Variants in CDC73 observed in about 807,000 individuals in gnomAD.
CDC73 encodes the protein parafibromin.
CDC73 carries 21 observed loss-of-function variants against 83.7 expected under a neutral mutation model. That is an observed-to-expected ratio of 0.25 (90% CI 0.18 to 0.36). The LOEUF (loss-of-function observed/expected upper bound fraction) is 0.36, where lower values mean the gene tolerates loss of function less well. CDC73 is among the 10% of genes least tolerant of loss of function. The probability of loss-of-function intolerance (pLI) is 1.00; values close to 1 mark genes in which losing one functional copy is unlikely to be tolerated. For missense variants in CDC73, 342 were observed against 653.3 expected (o/e 0.52, Z 5.19); for synonymous variants, 224 against 212.9 (o/e 1.05, Z -0.45).
chr1:193,238,361 A>C (rs541418081), intron 15 of CDC73, among the ~76,000 whole-genome samples: 1 of 151,988 alleles, frequency 6.6e-6, no homozygotes, highest in African/African-American at 2.4e-5. Flanking sequence ...GTCTCTACCA[A>C]CTCATTTTCT....
At chr1:193,198,538 G>C (rs575155692) in intron 10 of CDC73, among the ~76,000 whole-genome samples, 6 of 152,336 alleles carry the variant, frequency 3.9e-5, no homozygotes, top group African/African-American at 1.2e-4. Flanking sequence ...GGATTTTCCA[G>C]CCTTCAGAAT....
At chr1:193,147,684 A>G (rs1213133151) in intron 7 of CDC73, among the ~76,000 whole-genome samples, 183 bp from the exon 8 acceptor site, 2 of 152,192 alleles carry the variant, frequency 1.3e-5, no homozygotes, top group South Asian at 2.1e-4. Context: ...GGGATTTACA[A>G]TAATCAGTCT....
intron 13 of CDC73, among the ~76,000 whole-genome samples, chr1:193,219,488 A>C (rs1202465028): frequency 6.6e-6 from 1 of 152,244 alleles, no homozygotes; most frequent in African/African-American, 2.4e-5. Flanking sequence ...ACATGGAATC[A>C]ACCAAAATTT....
intron 7 of CDC73, among the ~76,000 whole-genome samples, chr1:193,145,517 G>T (rs897214241): frequency 6.6e-6 from 1 of 151,760 alleles, no homozygotes; most frequent in African/African-American, 2.4e-5. Flanking sequence ...ACTCTTTCTT[G>T]TCATTACTTT....
At chr1:193,177,358 CAAAAAAAA>C (rs10672869) in intron 10 of CDC73, among the ~76,000 whole-genome samples, 6 of 69,532 alleles carry the variant, frequency 8.6e-5, no homozygotes, top group East Asian at 4.9e-4. Context: ...ACTAAAAATA[CAAAAAAAA>C]AAAAAAAAAA....
intron 3 of CDC73, among the ~76,000 whole-genome samples, chr1:193,131,361 T>C (rs545234098): frequency 6.6e-6 from 1 of 152,372 alleles, no homozygotes; most frequent in African/African-American, 2.4e-5. Context: ...GTTGTTTTTT[T>C]CTCTTTTTAA....
At chr1:193,201,000 C>T (rs1343238045) in intron 10 of CDC73, among the ~76,000 whole-genome samples, 2 of 152,070 alleles carry the variant, frequency 1.3e-5, no homozygotes, top group Non-Finnish European at 2.9e-5. Flanking sequence ...CAAAGAACTT[C>T]CCAGTTTTGT....
At chr1:193,221,212 T>C (rs1451098044) in intron 13 of CDC73, among the ~76,000 whole-genome samples, 1 of 152,190 alleles carries the variant, frequency 6.6e-6, no homozygotes, top group Non-Finnish European at 1.5e-5. Flanking sequence ...GGGGGACTTG[T>C]ATACCTGAAA....
intron 3 of CDC73, among the ~76,000 whole-genome samples, chr1:193,132,153 C>T (rs996921006): frequency 8.5e-5 from 13 of 152,102 alleles, no homozygotes; most frequent in Admixed American, 1.3e-4. Context: ...ACGTGTAGTA[C>T]CTTTAAGTCA....
At chr1:193,168,749 A>T (rs1007963612) in intron 10 of CDC73, among the ~76,000 whole-genome samples, 3 of 151,706 alleles carry the variant, frequency 2.0e-5, no homozygotes, top group African/African-American at 7.3e-5. Context: ...GTCTCAAAAC[A>T]CCTGACGTCA....
At position 193,150,160 on chromosome 1, in the gene CDC73, A is replaced by G. The variant is rs541121122; in HGVS notation, c.829-144A>G. On this transcript the variant is annotated intron_variant, in intron 8 of 16. Transcript: ENST00000367435. ...GTGGTGCATGCCTGTGGTCCCAGCT[A>G]CTTGGAAGGCTGAGGTGGGAGGATC... 3.4e-4 allele frequency: 224 copies of G among 662,662 alleles called. 1 individual carries two copies. In the East Asian group the frequency reaches 4.5e-3, roughly 13 times the overall value. The allele number at this position is 662,662 out of a possible 1,614,324, so 41.0% of individuals were successfully genotyped here.
chr1:193,184,834 T>G (rs977237616), intron 10 of CDC73, among the ~76,000 whole-genome samples: 9 of 152,010 alleles, frequency 5.9e-5, no homozygotes, highest in African/African-American at 1.9e-4. Flanking sequence ...TAAACTTGTT[T>G]AATCTTCATT....
intron 13 of CDC73, among the ~76,000 whole-genome samples, chr1:193,214,983 A>G (rs1412843272): frequency 6.6e-6 from 1 of 152,188 alleles, no homozygotes; most frequent in Non-Finnish European, 1.5e-5. Flanking sequence ...AACACGCCCA[A>G]CCTTCTAGGA....
At chr1:193,173,733 T>C (rs1406058077) in intron 10 of CDC73, among the ~76,000 whole-genome samples, 2 of 152,122 alleles carry the variant, frequency 1.3e-5, no homozygotes, top group Non-Finnish European at 2.9e-5. Flanking sequence ...TTTTAAGGCA[T>C]AAAAGAAAAT....
At chr1:193,190,707 A>G (rs1019394833) in intron 10 of CDC73, among the ~76,000 whole-genome samples, 2 of 152,250 alleles carry the variant, frequency 1.3e-5, no homozygotes, top group African/African-American at 4.8e-5. Flanking sequence ...TAATTCATGC[A>G]AACTATTAAC....
chr1:193,127,196 C>T (rs1168415106), intron 2 of CDC73, among the ~76,000 whole-genome samples: 2 of 151,714 alleles, frequency 1.3e-5, no homozygotes, highest in Non-Finnish European at 2.9e-5. Context: ...ATCACTTGGG[C>T]CCAGGAGGTT....
chr1:193,178,800 T>G (rs1291351742), intron 10 of CDC73, among the ~76,000 whole-genome samples: 1 of 152,184 alleles, frequency 6.6e-6, no homozygotes, highest in Non-Finnish European at 1.5e-5. Context: ...CTTAAACAGT[T>G]TTAGTGTTTT....
chr1:193,208,841 C>T (rs956420008), intron 11 of CDC73, among the ~76,000 whole-genome samples: 8 of 152,086 alleles, frequency 5.3e-5, no homozygotes, highest in South Asian at 2.1e-4. Flanking sequence ...GGTATTTGCC[C>T]GTATTCCTAC....
intron 10 of CDC73, among the ~76,000 whole-genome samples, chr1:193,200,598 C>T (rs182001119): frequency 2.0e-5 from 3 of 152,270 alleles, no homozygotes; most frequent in East Asian, 1.9e-4. Flanking sequence ...GCAGGTTTTC[C>T]TCTCCACTTA....
Sources: gnomAD v4.1 joint callset for allele counts (sites outside exome capture counted in the v4.1 genomes callset) on GRCh38, gnomAD v4.1.1 for gene constraint, MANE v1.5 for transcripts, NCBI Gene and HGNC (gene_info 2026-07-23, HGNC 2026-07-21) for gene names.